The following COPS4 variants were observed in gnomAD, a reference collection of about 807,000 sequenced individuals.
COPS4 encodes COP9 signalosome complex subunit 4.
A neutral mutation model predicts 55.1 loss-of-function variants in COPS4; 8 were observed. The observed-to-expected ratio is 0.15, with a 90% CI of 0.09 to 0.26. The LOEUF is 0.26. Ranked by LOEUF, COPS4 falls within the 10% of genes least tolerant of loss-of-function variation. The pLI is 1.00. For missense variants in COPS4, 248 were observed against 484.0 expected (o/e 0.51, Z 4.58); for synonymous variants, 185 against 165.7 (o/e 1.12, Z -0.90).
intron 1 of COPS4, among the ~76,000 whole-genome samples, chr4:83,037,454 T>G (rs959340564): frequency 2.0e-5 from 3 of 152,302 alleles, no homozygotes; most frequent in Middle Eastern, 3.4e-3. Context: ...TTAAATGAAA[T>G]AATGTGCTTG....
intron 9 of COPS4, among the ~76,000 whole-genome samples, chr4:83,070,538 A>G (rs574273573): frequency 1.3e-5 from 2 of 152,274 alleles, no homozygotes; most frequent in Admixed American, 1.3e-4. Context: ...CTTGGGCTCA[A>G]ACCATCCTCC....
chr4:83,041,628 C>G (rs559504961), intron 1 of COPS4, among the ~76,000 whole-genome samples: 4 of 151,572 alleles, frequency 2.6e-5, no homozygotes, highest in Non-Finnish European at 5.9e-5. Flanking sequence ...CCATCACACT[C>G]GGCTAATTTT....
chr4:83,038,506 T>C lies in COPS4; in HGVS notation c.74+3208T>C, dbSNP rs76378787. Reference sequence around the variant, plus strand: ...AATTGACTACACTTCAGATAGTGATTATTTTTGCCTAGAATGCCTGTCTTC... The same window carrying C: ...AATTGACTACACTTCAGATAGTGATCATTTTTGCCTAGAATGCCTGTCTTC... On this transcript the variant is annotated intron_variant, in intron 1 of 9. Coordinates refer to ENST00000264389, the MANE Select transcript of COPS4 (RefSeq NM_016129.3). Among the ~76,000 whole-genome samples, 1,129 of 152,336 alleles carry C rather than the reference T, an allele frequency of 7.4e-3. 20 individuals carry two copies. The highest frequency in any genetic ancestry group is 0.026 in the African/African-American group (1,080 of 41,582).
chr4:83,039,086 C>T (rs1361388687), intron 1 of COPS4, among the ~76,000 whole-genome samples: 3 of 152,148 alleles, frequency 2.0e-5, no homozygotes, highest in Admixed American at 6.6e-5. Context: ...ACAACAGTCA[C>T]TTATTTAGCT....
rs921276913 is a variant in COPS4 at position 83,066,737 on chromosome 4, G to A, written c.1002+184G>A. On this transcript the variant is annotated intron_variant, in intron 8 of 9. Coordinates refer to ENST00000264389, the MANE Select transcript of COPS4 (RefSeq NM_016129.3). ...ATACATTCTTTAGAAGTTAAAATAG[G>A]CCTAGTGTTTATTAGTGGAATTGTC... 3.3e-5 allele frequency among the ~76,000 whole-genome samples: 5 copies of A among 152,172 alleles called. No individual in the cohort carries two copies. The South Asian group carries it at 1.0e-3, about 32-fold the overall frequency.
chr4:83,046,959 G>T (rs896281518), intron 2 of COPS4, among the ~76,000 whole-genome samples: 3 of 152,138 alleles, frequency 2.0e-5, no homozygotes, highest in Non-Finnish European at 4.4e-5. Context: ...ATACCAGCTT[G>T]TATGGTAACT....
chr4:83,036,545 T>C (rs1255388524), intron 1 of COPS4, among the ~76,000 whole-genome samples: 2 of 152,204 alleles, frequency 1.3e-5, no homozygotes, highest in Non-Finnish European at 2.9e-5. Flanking sequence ...ATGAAGATAA[T>C]AATAGGACTT....
intron 1 of COPS4, among the ~76,000 whole-genome samples, chr4:83,043,542 A>AC (rs1283307649): frequency 2.0e-5 from 3 of 150,538 alleles, no homozygotes; most frequent in Non-Finnish European, 3.0e-5. Flanking sequence ...AAAAAAAAAA[A>AC]AAAACCATAA....
intron 6 of COPS4, among the ~76,000 whole-genome samples, chr4:83,060,370 A>G (rs934765748): frequency 7.1e-6 from 1 of 141,488 alleles, no homozygotes; most frequent in Non-Finnish European, 1.5e-5. Flanking sequence ...TTTTTTTGAG[A>G]CGGAATCTTC....
Position 83,037,202 on chromosome 4 carries a change from G to A in COPS4, c.74+1904G>A, listed in dbSNP as rs534250730. ...CAGTAGTTTAGCTTGGGCTTTCTTA[G>A]GTGCCTATGAGAGGGGAAGTCGCAA... is the stretch of plus-strand genomic sequence containing the variant. On this transcript the variant is annotated intron_variant, in intron 1 of 9. Transcript: ENST00000264389. Among the ~76,000 whole-genome samples, 3 of 152,244 alleles carry A rather than the reference G, an allele frequency of 2.0e-5. No individual in the cohort carries two copies. In the East Asian group the frequency reaches 5.8e-4, roughly 29 times the overall value.
At chr4:83,061,725 TA>T (rs1731168634) in intron 6 of COPS4, among the ~76,000 whole-genome samples, 1 of 152,032 alleles carries the variant, frequency 6.6e-6, no homozygotes. Context: ...TTTTTTTTTT[TA>T]GATGGAGATG....
chr4:83,056,295 C>T (rs1324249120), intron 4 of COPS4, among the ~76,000 whole-genome samples: 1 of 152,004 alleles, frequency 6.6e-6, no homozygotes, highest in Non-Finnish European at 1.5e-5. Context: ...TTAAAGGATT[C>T]AAAGGATGGT....
chr4:83,051,473 A>G (rs534368428), intron 4 of COPS4, among the ~76,000 whole-genome samples: 10 of 152,242 alleles, frequency 6.6e-5, no homozygotes, highest in African/African-American at 2.2e-4. Flanking sequence ...ATGTTGTGAG[A>G]AGTATTGAAT....
intron 6 of COPS4, among the ~76,000 whole-genome samples, chr4:83,061,366 C>G (rs1466168346): frequency 6.6e-6 from 1 of 152,128 alleles, no homozygotes; most frequent in Non-Finnish European, 1.5e-5. Context: ...GCCCCAACTC[C>G]TAACCCTACA....
chr4:83,045,062 C>T (rs1230663275), intron 1 of COPS4, among the ~76,000 whole-genome samples: 3 of 152,156 alleles, frequency 2.0e-5, no homozygotes, highest in African/African-American at 7.2e-5. Flanking sequence ...GTGCATTTGG[C>T]TTGGCGAAGT....
intron 7 of COPS4, among the ~76,000 whole-genome samples, chr4:83,064,582 G>C (rs903031196): frequency 2.0e-5 from 3 of 152,078 alleles, no homozygotes; most frequent in African/African-American, 7.2e-5. Context: ...AGACTGAGGA[G>C]AGAAGTTTTT....
intron 6 of COPS4, among the ~76,000 whole-genome samples, chr4:83,058,120 T>C (rs983629692): frequency 1.4e-4 from 22 of 151,988 alleles, no homozygotes; most frequent in African/African-American, 5.1e-4. Context: ...CTGGCATTTA[T>C]CCTTTTCTTC....
chr4:83,067,556 G>A (rs898582631), intron 8 of COPS4, among the ~76,000 whole-genome samples: 1 of 144,946 alleles, frequency 6.9e-6, no homozygotes, highest in Admixed American at 6.9e-5. Context: ...AAGAAACAGG[G>A]TCTTGCTATG....
At chr4:83,065,092 C>A in intron 7 of COPS4, 1 of 682,132 alleles carries the variant, frequency 1.5e-6, no homozygotes, top group South Asian at 1.5e-5. Flanking sequence ...CCAGGCTGGT[C>A]TTGAACTCCT....
Sources: allele counts gnomAD v4.1 joint callset (sites outside exome capture counted in the v4.1 genomes callset), GRCh38; gene constraint gnomAD v4.1.1; transcripts MANE v1.5; gene names NCBI Gene and HGNC (gene_info 2026-07-23, HGNC 2026-07-21).